Variants in EYA4 observed in about 807,000 individuals in gnomAD.
The protein encoded by EYA4 is EYA transcriptional coactivator and phosphatase 4.
EYA4 carries 31 observed loss-of-function variants against 87.9 expected under a neutral mutation model. That is an observed-to-expected ratio of 0.35 (90% CI 0.27 to 0.48). The LOEUF is 0.48. EYA4 is among the 20% of genes least tolerant of loss of function. The pLI is 0.99. For missense variants in EYA4, 678 were observed against 761.4 expected, an observed-to-expected ratio of 0.89 and a Z score of 1.29; for synonymous variants, 263 against 270.6, an observed-to-expected ratio of 0.97 and a Z score of 0.28.
At chr6:133,477,900 A>C (rs566379258) in intron 11 of EYA4, among the ~76,000 whole-genome samples, 6 of 152,196 alleles carry the variant, frequency 3.9e-5, no homozygotes, top group African/African-American at 1.4e-4. Flanking sequence ...ACAAATCAAT[A>C]AGAAAAAGAC....
chr6:133,419,990 A>C (rs1370541248), intron 3 of EYA4, among the ~76,000 whole-genome samples: 1 of 152,168 alleles, frequency 6.6e-6, no homozygotes, highest in Non-Finnish European at 1.5e-5. Flanking sequence ...TGAAGGTGGG[A>C]ATAGTGGCAT....
At chr6:133,481,236 G>A (rs1163475516) in intron 11 of EYA4, among the ~76,000 whole-genome samples, 4 of 152,170 alleles carry the variant, frequency 2.6e-5, no homozygotes, top group Non-Finnish European at 5.9e-5. Context: ...GGCGTATGGT[G>A]TAGAAAAGAC....
intron 18 of EYA4, among the ~76,000 whole-genome samples, chr6:133,524,853 C>A (rs914737234): frequency 1.3e-5 from 2 of 152,142 alleles, no homozygotes; most frequent in African/African-American, 4.8e-5. Flanking sequence ...AATCATCTGT[C>A]CGAAGTAACG....
At chr6:133,270,530 C>T (rs930856509) in intron 1 of EYA4, among the ~76,000 whole-genome samples, 7 of 152,098 alleles carry the variant, frequency 4.6e-5, no homozygotes, top group Admixed American at 1.3e-4. Context: ...TTACAGTCCC[C>T]GTTTCTGCAG....
chr6:133,463,336 A>G (rs1349381263), intron 9 of EYA4, among the ~76,000 whole-genome samples: 2 of 147,124 alleles, frequency 1.4e-5, no homozygotes, highest in African/African-American at 5.0e-5. Context: ...TTAGACTCCT[A>G]TTAAAATTGT....
At chr6:133,331,376 A>T (rs1387149223) in intron 2 of EYA4, among the ~76,000 whole-genome samples, 1 of 152,154 alleles carries the variant, frequency 6.6e-6, no homozygotes, top group African/African-American at 2.4e-5. Flanking sequence ...TAAATAATTC[A>T]CTTTCTTAAG....
chr6:133,302,009 A>G (rs927446905), intron 2 of EYA4, among the ~76,000 whole-genome samples: 1 of 152,202 alleles, frequency 6.6e-6, no homozygotes, highest in Non-Finnish European at 1.5e-5. Context: ...CTTAGCTGGT[A>G]TAGAAAGGGA....
chr6:133,426,845 T>G (rs1384838893), intron 3 of EYA4, among the ~76,000 whole-genome samples: 1 of 152,216 alleles, frequency 6.6e-6, no homozygotes, highest in African/African-American at 2.4e-5. Flanking sequence ...GCATCATATC[T>G]CCTTTCTATC....
intron 3 of EYA4, among the ~76,000 whole-genome samples, chr6:133,426,309 T>C (rs1248767130): frequency 6.6e-6 from 1 of 152,208 alleles, no homozygotes; most frequent in Non-Finnish European, 1.5e-5. Flanking sequence ...GCTGAATAAA[T>C]ATGAGTAACT....
At chr6:133,320,555 T>C (rs72993941) in intron 2 of EYA4, among the ~76,000 whole-genome samples, 10,206 of 151,940 alleles carry the variant, frequency 0.067, 674 homozygotes, top group African/African-American at 0.17. Flanking sequence ...ATTCAGGGGG[T>C]ACATGTGAAG....
At chr6:133,273,388 GC>G (rs1236658213) in intron 1 of EYA4, among the ~76,000 whole-genome samples, 2 of 151,992 alleles carry the variant, frequency 1.3e-5, no homozygotes, top group Non-Finnish European at 2.9e-5. Context: ...GCCTTCTTCA[GC>G]CCACTGACTC....
At chr6:133,257,520 C>T (rs1331895589) in intron 1 of EYA4, among the ~76,000 whole-genome samples, 1 of 152,128 alleles carries the variant, frequency 6.6e-6, no homozygotes, top group African/African-American at 2.4e-5. Flanking sequence ...CGACCAGTTA[C>T]CTTTATCCTT....
intron 2 of EYA4, among the ~76,000 whole-genome samples, chr6:133,306,023 T>C (rs1779775764): frequency 6.6e-6 from 1 of 152,162 alleles, no homozygotes; most frequent in South Asian, 2.1e-4. Flanking sequence ...ATGGTATGTT[T>C]GATATGATCA....
chr6:133,407,226 A>G (rs902673610), intron 3 of EYA4, among the ~76,000 whole-genome samples: 3 of 148,796 alleles, frequency 2.0e-5, no homozygotes, highest in African/African-American at 4.9e-5. Context: ...TTATCAACCT[A>G]CACTGTGAAA....
chr6:133,285,057 C>T (rs1435391472), intron 2 of EYA4, among the ~76,000 whole-genome samples: 3 of 151,332 alleles, frequency 2.0e-5, no homozygotes, highest in East Asian at 1.9e-4. Flanking sequence ...AGTGCAGTGG[C>T]GCGAGCTCGG....
At chr6:133,288,994 G>C (rs957955634) in intron 2 of EYA4, among the ~76,000 whole-genome samples, 2 of 152,278 alleles carry the variant, frequency 1.3e-5, no homozygotes, top group South Asian at 4.2e-4. Context: ...ATTTAGAGAA[G>C]ATAATGAGGA....
chr6:133,418,201 C>T (rs1789910547), intron 3 of EYA4, among the ~76,000 whole-genome samples: 1 of 152,114 alleles, frequency 6.6e-6, no homozygotes, highest in Admixed American at 6.5e-5. Context: ...TACTACCTAG[C>T]GAAATCTGTA....
intron 3 of EYA4, among the ~76,000 whole-genome samples, chr6:133,411,491 C>A (rs11963218): frequency 0.055 from 8,341 of 151,988 alleles, 682 homozygotes; most frequent in African/African-American, 0.17. Flanking sequence ...GTCACTCTAC[C>A]CAGAGTTAAC....
chr6:133,394,400 A>T (rs942449402), intron 3 of EYA4, among the ~76,000 whole-genome samples: 3 of 149,414 alleles, frequency 2.0e-5, no homozygotes, highest in Admixed American at 6.8e-5. Flanking sequence ...GGGTAGTAAG[A>T]GCCAAATAAT....
Sources: allele counts gnomAD v4.1 joint callset (sites outside exome capture counted in the v4.1 genomes callset), GRCh38; gene constraint gnomAD v4.1.1; transcripts MANE v1.5; gene names NCBI Gene and HGNC (gene_info 2026-07-23, HGNC 2026-07-21).